CRYBB2: variants seen among roughly 807,000 people sequenced by gnomAD.
CRYBB2 encodes the protein crystallin beta B2.
A neutral mutation model predicts 24.3 loss-of-function variants in CRYBB2; 12 were observed. The observed-to-expected ratio is 0.49, with a 90% CI of 0.32 to 0.80. CRYBB2 has a LOEUF of 0.80. Among genes scored for constraint, CRYBB2 ranks in the 30% least tolerant of loss-of-function variants. The pLI, the probability that CRYBB2 is intolerant of heterozygous loss-of-function variation, is 0.04. For missense variants in CRYBB2, 198 were observed against 268.5 expected, an observed-to-expected ratio of 0.74 and a Z score of 1.83; for synonymous variants, 98 against 101.6, an observed-to-expected ratio of 0.96 and a Z score of 0.21.
Position 25,231,713 on chromosome 22 carries a change from G to T in CRYBB2, c.559G>T (p.Val187Leu). 6.2e-7 allele frequency: 1 copy of T among 1,614,084 alleles called. No individual in the cohort carries two copies. The highest frequency in any genetic ancestry group is 8.5e-7 in the Non-Finnish European group (1 of 1,180,010). ...FGAPHPQVQS[V>L]RRIRDMQWHQ... ...GGCCCCTCACCCCCAGGTGCAGTCC[G>T]TGCGCCGTATCCGCGACATGCAGTG... The change falls in exon 6 of 6, where the codon GTG becomes TTG. Residue 187 changes from valine to leucine, a missense_variant. Val to Leu is a conservative substitution (Grantham distance 32, BLOSUM62 1). Coordinates refer to ENST00000398215, the MANE Select transcript of CRYBB2 (RefSeq NM_000496.3).
At chr22:25,217,912 T>G (rs1304818832), upstream of CRYBB2, among the ~76,000 whole-genome samples, 1 of 151,982 alleles carries the variant, frequency 6.6e-6, no homozygotes, top group East Asian at 1.9e-4. Context: ...TCTCCAAGCC[T>G]CAGATTGGAT....
At chr22:25,229,974 T>C (rs919324567) in intron 5 of CRYBB2, among the ~76,000 whole-genome samples, 4 of 151,104 alleles carry the variant, frequency 2.6e-5, no homozygotes, top group Non-Finnish European at 5.9e-5. Context: ...TGACCGCGTG[T>C]GTCCCTAAGT....
intron 4 of CRYBB2, among the ~76,000 whole-genome samples, chr22:25,228,211 C>T (rs913463598): frequency 2.0e-5 from 3 of 147,906 alleles, no homozygotes; most frequent in Non-Finnish European, 4.5e-5. Flanking sequence ...TTGGTATCTA[C>T]TGTCCTGAGG....
At chr22:25,223,813 C>A (rs1935363296) in intron 2 of CRYBB2, among the ~76,000 whole-genome samples, 1 of 152,114 alleles carries the variant, frequency 6.6e-6, no homozygotes, top group Non-Finnish European at 1.5e-5. Context: ...GGCTGGAAAA[C>A]CTCTGCCTCC....
Position 25,231,667 on chromosome 22 carries a change from C to T in CRYBB2, c.513C>T (p.Tyr171=). The T allele has an allele frequency of 6.2e-7, 1 of 1,614,152 alleles. No individual in the cohort carries two copies. Among genetic ancestry groups the T allele is most frequent in the Non-Finnish European group, 8.5e-7 (1 of 1,180,028 alleles). The change falls in exon 6 of 6, where the codon TAC becomes TAT. Residue 171 remains tyrosine (Y), a synonymous_variant. Transcript: ENST00000398215. The part of the protein sequence containing the change: ...GLQYLLEKGD[Y]KDSSDFGAPH... ...AGTACCTGCTGGAGAAGGGAGACTA[C>T]AAGGACAGCAGCGACTTTGGGGCCC... is the stretch of plus-strand genomic sequence containing the variant.
upstream of CRYBB2, among the ~76,000 whole-genome samples, chr22:25,218,066 T>C (rs1336626549): frequency 5.3e-5 from 8 of 151,344 alleles, no homozygotes; most frequent in Non-Finnish European, 8.8e-5. Flanking sequence ...GAGACCATCC[T>C]GGCTAACACA....
In CRYBB2 at chr22:25,227,846, A is replaced by C; in HGVS notation, c.174-7A>C. 1 of 1,614,090 alleles carries C rather than the reference A, an allele frequency of 6.2e-7. No individual in the cohort carries two copies. Among genetic ancestry groups the C allele is most frequent in the Non-Finnish European group, 8.5e-7 (1 of 1,180,032 alleles). ...ACCTGCCCCCTTTCTCTCTGTCTCC[A>C]TGGCAGCTGGGTGGGCTATGAACAG... On this transcript the variant is annotated splice_region_variant and splice_polypyrimidine_tract_variant and intron_variant, in intron 3 of 5. Transcript: ENST00000398215.
chr22:25,217,656 G>A (rs1935192740), upstream of CRYBB2, among the ~76,000 whole-genome samples: 1 of 152,184 alleles, frequency 6.6e-6, no homozygotes, highest in South Asian at 2.1e-4. Flanking sequence ...TATGCGTCAG[G>A]CACTGGGCTC....
intron 2 of CRYBB2, among the ~76,000 whole-genome samples, chr22:25,222,297 A>G (rs950266550): frequency 7.2e-5 from 11 of 152,200 alleles, no homozygotes; most frequent in African/African-American, 2.7e-4. Context: ...CAGAAGAAGG[A>G]CAGACAATAA....
At chr22:25,224,550 T>A (rs1378981838) in intron 2 of CRYBB2, among the ~76,000 whole-genome samples, 1 of 152,118 alleles carries the variant, frequency 6.6e-6, no homozygotes, top group Non-Finnish European at 1.5e-5. Flanking sequence ...TTTAAAAAAA[T>A]TAGAAGTGGG....
chr22:25,230,233 T>G (rs1935507289), intron 5 of CRYBB2, among the ~76,000 whole-genome samples: 1 of 150,336 alleles, frequency 6.7e-6, no homozygotes. Flanking sequence ...CTTGGCTCAC[T>G]GCAACCTCCG....
At chr22:25,225,471 C>G (rs553586378) in intron 3 of CRYBB2, among the ~76,000 whole-genome samples, 112 of 152,278 alleles carry the variant, frequency 7.4e-4, no homozygotes, top group African/African-American at 2.6e-3. Context: ...TGTTCCAGCC[C>G]TGCATCCACT....
At position 25,221,762 on chromosome 22, in the gene CRYBB2, G is replaced by C. The variant is rs75971426; in HGVS notation, c.54+279G>C. 6.7e-3 allele frequency among the ~76,000 whole-genome samples: 1,026 copies of C among 152,286 alleles called. 4 individuals carry two copies. Among genetic ancestry groups the C allele is most frequent in the Non-Finnish European group, 0.011 (764 of 68,028 alleles). ...TTTGCCACACCCTATTGTCTACAGG[G>C]CTCCCTGAAACTGGAGCAGACCCTC... On this transcript the variant is annotated intron_variant, in intron 2 of 5. Coordinates refer to ENST00000398215, the MANE Select transcript of CRYBB2 (RefSeq NM_000496.3).
At chr22:25,215,559 C>A (rs963900334), upstream of CRYBB2, among the ~76,000 whole-genome samples, 50 of 101,026 alleles carry the variant, frequency 4.9e-4, no homozygotes, top group African/African-American at 1.5e-3. Context: ...TTTAATTCCT[C>A]TAGCGCCACT....
chr22:25,229,035 C>CAA lies in CRYBB2; in HGVS notation c.307-401_307-400insAA. Among the ~76,000 whole-genome samples the CAA allele has an allele frequency of 1.6e-5, 2 of 124,824 alleles. 1 individual carries two copies. The highest frequency in any genetic ancestry group is 4.4e-4 in the East Asian group (2 of 4,560). 81.9% of individuals were successfully genotyped at this position (124,824 alleles called of 152,430 possible). On this transcript the variant is annotated intron_variant, in intron 4 of 5. Coordinates refer to ENST00000398215, the MANE Select transcript of CRYBB2 (RefSeq NM_000496.3). The stretch of plus-strand genomic sequence containing the variant: ...GTGTGGGTGTGCACGTGTGTGCGTG[C>CAA]GTGTGTGCAAGTGTGGTGTGCGTGT...
chr22:25,214,666 T>G (rs980065687), upstream of CRYBB2, among the ~76,000 whole-genome samples: 1 of 152,246 alleles, frequency 6.6e-6, no homozygotes, highest in African/African-American at 2.4e-5. Flanking sequence ...TACTGAGGGC[T>G]TCACATGATT....
chr22:25,231,336 ACAGTACAG>A, intron 5 of CRYBB2, among the ~76,000 whole-genome samples: 1 of 72,322 alleles, frequency 1.4e-5, no homozygotes, highest in African/African-American at 8.3e-5. Context: ...ACAGTACAGT[ACAGTACAG>A]TACAGTACAG....
upstream of CRYBB2, among the ~76,000 whole-genome samples, chr22:25,218,780 A>AGAGAGAGAGAGAG (rs1197095284): frequency 4.3e-5 from 1 of 23,446 alleles, no homozygotes; most frequent in Non-Finnish European, 8.9e-5. Flanking sequence ...AGAGAGAGAG[A>AGAGAGAGAGAGAG]AGAAAGAAAG....
chr22:25,218,799 A>AAAGAAAGAAAG (rs1935258654), upstream of CRYBB2, among the ~76,000 whole-genome samples: 1 of 118,828 alleles, frequency 8.4e-6, no homozygotes, highest in Admixed American at 7.8e-5. Context: ...AGAAAGAAAG[A>AAAGAAAGAAAG]AAGAAAGAAA....
Sources: gnomAD v4.1 joint callset for allele counts (sites outside exome capture counted in the v4.1 genomes callset) on GRCh38, gnomAD v4.1.1 for gene constraint, MANE v1.5 for transcripts, NCBI Gene and HGNC (gene_info 2026-07-23, HGNC 2026-07-21) for gene names.